Variants in RUSC2 observed in about 807,000 individuals in gnomAD.
RUSC2 encodes RUN and SH3 domain containing 2.
Under a neutral mutation model 122.2 loss-of-function variants are expected in RUSC2, and 34 were observed. The observed-to-expected ratio is 0.28, with a 90% CI of 0.21 to 0.37. The LOEUF is 0.37. RUSC2 is among the 10% of genes least tolerant of loss of function. RUSC2 has a pLI of 1.00. For synonymous variants in RUSC2, 784 were observed against 790.0 expected (o/e 0.99, Z 0.13); for missense variants, 1,747 against 1,952.4 (o/e 0.89, Z 1.98).
intron 1 of RUSC2, among the ~76,000 whole-genome samples, chr9:35,540,091 T>C (rs1406616529): frequency 6.6e-6 from 1 of 152,204 alleles, no homozygotes; most frequent in African/African-American, 2.4e-5. Flanking sequence ...AAGAGTTCCC[T>C]AAATTCCCAT....
Position 35,555,469 on chromosome 9 carries a change from C to T in RUSC2, c.2424C>T (p.Pro808=). The T allele has an allele frequency of 6.2e-7, 1 of 1,614,216 alleles. No individual in the cohort carries two copies. The highest frequency in any genetic ancestry group is 1.7e-4 in the Middle Eastern group (1 of 6,060). The change falls in exon 3 of 12, where the codon CCC becomes CCT. Residue 808 remains proline (P), a synonymous_variant. Transcript: ENST00000361226. This position sits in a 1 kb window ranked among gnomAD's most constrained non-coding sequence, Gnocchi z 4.6. ...STSCSPPPEQ[P]TATESLPPWS... is the part of the protein sequence containing the mutation. ...CGTGCTCCCCTCCCCCAGAGCAGCCCACAGCCACAGAAAGCCTGCCCCCAT... is the reference window on the plus strand; with the variant it reads ...CGTGCTCCCCTCCCCCAGAGCAGCCTACAGCCACAGAAAGCCTGCCCCCAT...
intron 1 of RUSC2, among the ~76,000 whole-genome samples, chr9:35,516,022 A>AAAAAAAG (rs1554724501): frequency 2.4e-5 from 3 of 127,208 alleles, no homozygotes; most frequent in Admixed American, 9.6e-5. Context: ...AAAAAAAAAA[A>AAAAAAAG]AGAGAAATGC....
At position 35,548,006 on chromosome 9, in the gene RUSC2, C is replaced by A. The variant is rs1210396923; in HGVS notation, c.1485C>A (p.Arg495=). 6.2e-7 allele frequency: 1 copy of A among 1,613,890 alleles called. No homozygotes were observed. The highest frequency in any genetic ancestry group is 1.3e-5 in the African/African-American group (1 of 74,940). The change falls in exon 2 of 12, where the codon CGC becomes CGA. Residue 495 remains arginine, a synonymous_variant. Coordinates refer to ENST00000361226, the MANE Select transcript of RUSC2 (RefSeq NM_014806.5). The surrounding 1 kb of genome is among the most constrained non-coding windows in gnomAD (Gnocchi z 4.5). ...SPPNLSTGRQ[R]SRSYDRSLQR... ...CCAACCTCAGCACTGGACGTCAGCG[C>A]TCCCGCAGCTATGATCGCAGCCTGC... is the stretch of plus-strand genomic sequence containing the variant.
chr9:35,506,166 T>C (rs1820912891), intron 1 of RUSC2, among the ~76,000 whole-genome samples: 1 of 152,234 alleles, frequency 6.6e-6, no homozygotes, highest in South Asian at 2.1e-4. Flanking sequence ...GGGGACGGGC[T>C]TGCTTTTAGG....
intron 1 of RUSC2, among the ~76,000 whole-genome samples, chr9:35,545,672 T>C (rs1166579702): frequency 6.6e-6 from 1 of 152,146 alleles, no homozygotes; most frequent in Admixed American, 6.5e-5. Context: ...TCTTGTGTGA[T>C]GTGTTAGAAT....
chr9:35,524,949 G>T (rs142322101), intron 1 of RUSC2, among the ~76,000 whole-genome samples: 15 of 151,336 alleles, frequency 9.9e-5, no homozygotes, highest in African/African-American at 2.7e-4. Flanking sequence ...CCAGCCTGGG[G>T]GACAGAGCGA....
chr9:35,560,007 G>T, intron 9 of RUSC2, 22 bp from the exon 10 acceptor site: 1 of 1,561,262 alleles, frequency 6.4e-7, no homozygotes, highest in East Asian at 2.3e-5. Context: ...GTGTGGATCA[G>T]TCCCTCTCTC....
intron 1 of RUSC2, among the ~76,000 whole-genome samples, chr9:35,543,989 C>G (rs1821694665): frequency 6.6e-6 from 1 of 152,152 alleles, no homozygotes; most frequent in Non-Finnish European, 1.5e-5. Flanking sequence ...GTTGCTGGGT[C>G]ATGTGATGAC....
chr9:35,496,476 C>T (rs1820716106), intron 1 of RUSC2, among the ~76,000 whole-genome samples: 1 of 152,160 alleles, frequency 6.6e-6, no homozygotes, highest in Admixed American at 6.5e-5. Context: ...CTCTATCAAG[C>T]TTGCACTTGG....
chr9:35,558,008 G>T lies in RUSC2; in HGVS notation c.3060+18G>T, dbSNP rs1219406624. On this transcript the variant is annotated intron_variant, in intron 6 of 11. Transcript: ENST00000361226. This position sits in a 1 kb window ranked among gnomAD's most constrained non-coding sequence, Gnocchi z 4.3. ...GGGTGAAGGTAGGCAAGGAAATGTG[G>T]AGAGCTGAGCTCTGCCTGCAAGCCC... 1 of 1,607,902 alleles carries T rather than the reference G, an allele frequency of 6.2e-7. No individual in the cohort carries two copies. The highest frequency in any genetic ancestry group is 1.3e-5 in the African/African-American group (1 of 74,808).
At chr9:35,493,660 G>A (rs1234424733) in intron 1 of RUSC2, among the ~76,000 whole-genome samples, 7 of 151,884 alleles carry the variant, frequency 4.6e-5, no homozygotes, top group East Asian at 1.9e-4. Context: ...ACGCCACCAC[G>A]CCCGGCTAAT....
chr9:35,548,700 G>T lies in RUSC2; in HGVS notation c.2014+165G>T. The stretch of plus-strand genomic sequence containing the variant: ...CAGGGCAGGACCCACAGCTACAGTG[G>T]AATAGGCTCACTGGAGAAAGACAGA... On this transcript the variant is annotated intron_variant, in intron 2 of 11. Coordinates refer to ENST00000361226, the MANE Select transcript of RUSC2 (RefSeq NM_014806.5). This position sits in a 1 kb window ranked among gnomAD's most constrained non-coding sequence, Gnocchi z 4.5. The T allele has an allele frequency of 1.0e-6, 1 of 985,288 alleles. No individual in the cohort carries two copies. 61.0% of individuals were successfully genotyped at this position (985,288 alleles called of 1,614,324 possible).
chr9:35,539,031 G>A (rs1821587886), intron 1 of RUSC2: 1 of 152,306 alleles, frequency 6.6e-6, no homozygotes, highest in Non-Finnish European at 1.5e-5. Context: ...GTCTCAGCTG[G>A]AACTGTCGCG....
intron 1 of RUSC2, among the ~76,000 whole-genome samples, chr9:35,540,050 C>T (rs1379138711): frequency 6.6e-6 from 1 of 152,144 alleles, no homozygotes; most frequent in East Asian, 1.9e-4. Flanking sequence ...GGTTTTCCCG[C>T]CCAGAGTTGC....
intron 2 of RUSC2, among the ~76,000 whole-genome samples, chr9:35,553,695 G>A (rs979769322): frequency 6.6e-6 from 1 of 152,172 alleles, no homozygotes; most frequent in African/African-American, 2.4e-5. Flanking sequence ...GTTTAAGGAC[G>A]GGGAAGTGTG....
At chr9:35,523,171 A>G (rs1305416605) in intron 1 of RUSC2, among the ~76,000 whole-genome samples, 2 of 152,214 alleles carry the variant, frequency 1.3e-5, no homozygotes, top group Non-Finnish European at 2.9e-5. Flanking sequence ...AGCCTGCATT[A>G]TACATCTGCA....
At chr9:35,540,417 G>A (rs1821619172) in intron 1 of RUSC2, among the ~76,000 whole-genome samples, 1 of 152,142 alleles carries the variant, frequency 6.6e-6, no homozygotes, top group African/African-American at 2.4e-5. Flanking sequence ...CCTTGGTAGA[G>A]GGTTCAAAAA....
chr9:35,548,967 G>A lies in RUSC2; in HGVS notation c.2014+432G>A. 1 of 723,596 alleles carries A rather than the reference G, an allele frequency of 1.4e-6. No homozygotes were observed. Among genetic ancestry groups the A allele is most frequent in the Non-Finnish European group, 1.7e-6 (1 of 590,952 alleles). 44.8% of individuals were successfully genotyped at this position (723,596 alleles called of 1,614,324 possible). A position where few individuals can be genotyped will look rare whatever the true frequency, so the allele number is the denominator to read the frequency against. ...GAATTGCTTGAACCCAGGAGGTGGA[G>A]GTTGCACTGAGCTGAGATCATACCA... On this transcript the variant is annotated intron_variant, in intron 2 of 11. Transcript: ENST00000361226. The surrounding 1 kb of genome is among the most constrained non-coding windows in gnomAD (Gnocchi z 4.5).
rs902905756 is a variant in RUSC2, at chr9:35,558,676, C to G, written c.3341+109C>G. ...CCCTGGACAGACAGAAAGGGTGGAT[C>G]TGGAGGGTCCCCTCAGCCCGCTATG... is the stretch of plus-strand genomic sequence containing the variant. On this transcript the variant is annotated intron_variant, in intron 8 of 11. Transcript: ENST00000361226. The surrounding 1 kb of genome is among the most constrained non-coding windows in gnomAD (Gnocchi z 4.3). The G allele has an allele frequency of 1.7e-5, 16 of 926,936 alleles. No individual in the cohort carries two copies. In the African/African-American group the frequency reaches 2.6e-4, roughly 15 times the overall value. 57.4% of individuals were successfully genotyped at this position (926,936 alleles called of 1,614,324 possible).
Sources: gnomAD v4.1 joint callset for allele counts (sites outside exome capture counted in the v4.1 genomes callset) on GRCh38, gnomAD v4.1.1 for gene constraint, Gnocchi (gnomAD v3.1) non-coding constraint, MANE v1.5 for transcripts, NCBI Gene and HGNC (gene_info 2026-07-23, HGNC 2026-07-21) for gene names.